Variants in SUMF1 observed in about 807,000 individuals in gnomAD.
The protein encoded by SUMF1 is sulfatase modifying factor 1.
Under a neutral mutation model 47.6 loss-of-function variants are expected in SUMF1, and 48 were observed. The observed-to-expected ratio is 1.01, with a 90% confidence interval of 0.80 to 1.28. SUMF1 has a LOEUF of 1.28. SUMF1 is among the 50% of genes most tolerant of loss of function. SUMF1 has a pLI of 0.00. For missense variants in SUMF1, 571 were observed against 485.4 expected, an observed-to-expected ratio of 1.18 and a Z score of -1.66; for synonymous variants, 230 against 192.1, an observed-to-expected ratio of 1.20 and a Z score of -1.63.
chr3:4,193,241 T>C (rs77386624), intron 8 of SUMF1, among the ~76,000 whole-genome samples: 9,506 of 151,934 alleles, frequency 0.063, 470 homozygotes, highest in Admixed American at 0.12. Flanking sequence ...TTATTTAAAT[T>C]AAATGAATAA....
chr3:4,150,332 C>T (rs1458709707), intron 8 of SUMF1, among the ~76,000 whole-genome samples: 1 of 150,924 alleles, frequency 6.6e-6, no homozygotes, highest in Non-Finnish European at 1.5e-5. Flanking sequence ...GAGGCCGAGG[C>T]AGGTGGATTG....
chr3:4,239,293 T>C (rs966274298), intron 8 of SUMF1, among the ~76,000 whole-genome samples: 1 of 152,204 alleles, frequency 6.6e-6, no homozygotes, highest in Non-Finnish European at 1.5e-5. Context: ...TTAAAGTAGA[T>C]TTTCTAAATC....
intron 3 of SUMF1, among the ~76,000 whole-genome samples, chr3:4,437,567 A>G (rs1702441702): frequency 1.3e-5 from 2 of 152,226 alleles, no homozygotes; most frequent in Admixed American, 1.3e-4. Context: ...TAACTGAAAG[A>G]CAAAGAATGC....
intron 8 of SUMF1, among the ~76,000 whole-genome samples, chr3:4,340,150 C>A (rs547211116): frequency 3.0e-4 from 45 of 152,092 alleles, no homozygotes; most frequent in Admixed American, 2.8e-3. Context: ...CTGCTTGGCC[C>A]CAACTCCGGA....
chr3:4,392,091 G>C (rs542549778), intron 7 of SUMF1, among the ~76,000 whole-genome samples: 4 of 152,058 alleles, frequency 2.6e-5, no homozygotes, highest in Non-Finnish European at 5.9e-5. Flanking sequence ...GCCTCCCAAA[G>C]TGCTAGGATT....
chr3:4,347,858 C>G (rs191098397), intron 8 of SUMF1, among the ~76,000 whole-genome samples: 42 of 152,222 alleles, frequency 2.8e-4, no homozygotes, highest in African/African-American at 8.9e-4. Flanking sequence ...AGTCAACGTG[C>G]AAAAATCACA....
chr3:4,462,753 G>A (rs1253593963), intron 1 of SUMF1, among the ~76,000 whole-genome samples: 1 of 152,184 alleles, frequency 6.6e-6, no homozygotes, highest in Non-Finnish European at 1.5e-5. Context: ...AATAAGAGAA[G>A]CATGCTCTCT....
intron 8 of SUMF1, among the ~76,000 whole-genome samples, chr3:4,147,529 G>A (rs1694223547): frequency 6.6e-6 from 1 of 152,012 alleles, no homozygotes; most frequent in African/African-American, 2.4e-5. Flanking sequence ...CAGATGCTTG[G>A]TACCAGAGCC....
chr3:4,354,580 C>T (rs367990876), intron 8 of SUMF1, among the ~76,000 whole-genome samples: 13 of 152,288 alleles, frequency 8.5e-5, no homozygotes, highest in African/African-American at 2.4e-4. Context: ...CAGGTATTTC[C>T]AAATTCAAGT....
rs13326732 is a variant in SUMF1, at chr3:4,348,487, G to A, written c.1014+27843C>T. On this transcript the variant is annotated intron_variant and NMD_transcript_variant, in intron 8 of 12. Coordinates refer to the SUMF1 transcript ENST00000448413. ...ACTGGCTAGCCATATGCAGAAAACT[G>A]AAAGTGGACCCCTTCCTTACACCTT... Among the ~76,000 whole-genome samples, 443 of 152,256 alleles carry A rather than the reference G, an allele frequency of 2.9e-3. 2 individuals carry two copies. The highest frequency in any genetic ancestry group is 9.7e-3 in the African/African-American group (404 of 41,530).
chr3:4,106,819 A>C (rs1032897631), intron 8 of SUMF1, among the ~76,000 whole-genome samples: 2 of 152,144 alleles, frequency 1.3e-5, no homozygotes, highest in Non-Finnish European at 2.9e-5. Flanking sequence ...AACTCCTGAC[A>C]GTGAAACAAA....
chr3:4,072,303 T>C (rs1327796710), intron 8 of SUMF1, among the ~76,000 whole-genome samples: 1 of 151,892 alleles, frequency 6.6e-6, no homozygotes, highest in African/African-American at 2.4e-5. Context: ...AAAAAGGACA[T>C]CCACACCAAA....
intron 8 of SUMF1, among the ~76,000 whole-genome samples, chr3:4,277,169 C>A (rs1245106398): frequency 6.6e-6 from 1 of 152,084 alleles, no homozygotes; most frequent in Non-Finnish European, 1.5e-5. Flanking sequence ...GTATTTTTAT[C>A]AAGTTCATCA....
intron 8 of SUMF1, among the ~76,000 whole-genome samples, chr3:4,244,666 T>C (rs1426145604): frequency 5.3e-5 from 8 of 152,226 alleles, no homozygotes. Flanking sequence ...TAACCCGACC[T>C]TTCTCTCTGG....
rs561678747 is a variant in SUMF1 at position 4,294,045 on chromosome 3, A to G, written c.1014+82285T>C. Reference sequence around the variant, plus strand: ...CTCATACATGTGAAATACATTTTTTAAAATACCTAATCTATTGGAATTTCA... The same window carrying G: ...CTCATACATGTGAAATACATTTTTTGAAATACCTAATCTATTGGAATTTCA... On this transcript the variant is annotated intron_variant and NMD_transcript_variant, in intron 8 of 12. Transcript: ENST00000448413. 2.0e-5 allele frequency among the ~76,000 whole-genome samples: 3 copies of G among 152,272 alleles called. No individual in the cohort carries two copies. In the East Asian group the frequency reaches 5.8e-4, roughly 29 times the overall value.
chr3:4,101,575 T>C (rs1693034009), intron 8 of SUMF1, among the ~76,000 whole-genome samples: 1 of 152,150 alleles, frequency 6.6e-6, no homozygotes. Context: ...TCTGGTGTTC[T>C]ATTGCACAGC....
At position 4,411,343 on chromosome 3, in the gene SUMF1, T is replaced by G. The variant is rs74910732; in HGVS notation, c.841-365A>C. 8.7e-4 allele frequency among the ~76,000 whole-genome samples: 133 copies of G among 152,284 alleles called. 1 individual carries two copies. The highest frequency in any genetic ancestry group is 3.1e-3 in the African/African-American group (127 of 41,546). On this transcript the variant is annotated intron_variant, in intron 6 of 8. Transcript: ENST00000272902. Reference sequence around the variant, plus strand: ...AAAATCATTCACAGGAAAATCCCATTGGACCCAATATGAGTCTTGTCATCA... The same window carrying G: ...AAAATCATTCACAGGAAAATCCCATGGGACCCAATATGAGTCTTGTCATCA...
At chr3:4,445,399 G>A (rs1702746054) in intron 3 of SUMF1, among the ~76,000 whole-genome samples, 1 of 152,190 alleles carries the variant, frequency 6.6e-6, no homozygotes, top group Non-Finnish European at 1.5e-5. Context: ...GTACAATGGT[G>A]CCATCACAGC....
chr3:4,296,858 C>T (rs1386314597), intron 8 of SUMF1, among the ~76,000 whole-genome samples: 1 of 152,164 alleles, frequency 6.6e-6, no homozygotes, highest in Non-Finnish European at 1.5e-5. Context: ...ACAGAAACCA[C>T]TCTGACTTAA....
Sources: allele counts gnomAD v4.1 joint callset (sites outside exome capture counted in the v4.1 genomes callset), GRCh38; gene constraint gnomAD v4.1.1; transcripts MANE v1.5; gene names NCBI Gene and HGNC (gene_info 2026-07-23, HGNC 2026-07-21).